Variants in SCD5 observed in about 807,000 individuals in gnomAD.
The protein encoded by SCD5 is stearoyl-CoA desaturase 5, also known as acyl-CoA-desaturase 4.
In SCD5, 20 loss-of-function variants were observed where a neutral mutation model predicts 30.4. The ratio of observed to expected loss-of-function variants is 0.66; its 90% CI spans 0.46 to 0.96. The LOEUF (loss-of-function observed/expected upper bound fraction) is 0.96. Ranked by LOEUF, SCD5 falls within the 40% of genes least tolerant of loss-of-function variation. The pLI, the probability that SCD5 is intolerant of heterozygous loss-of-function variation, is 0.00. For synonymous variants in SCD5, 173 were observed against 176.4 expected (o/e 0.98, Z 0.16); for missense variants, 381 against 443.3 (o/e 0.86, Z 1.26).
chr4:82,653,904 T>C (rs925370569), intron 3 of SCD5, among the ~76,000 whole-genome samples: 2 of 149,620 alleles, frequency 1.3e-5, no homozygotes, highest in Non-Finnish European at 3.0e-5. Flanking sequence ...CACACTTCAG[T>C]TGAGTCAATG....
intron 1 of SCD5, among the ~76,000 whole-genome samples, chr4:82,739,493 G>A (rs1053885864): frequency 1.3e-5 from 2 of 152,224 alleles, no homozygotes; most frequent in African/African-American, 2.4e-5. Context: ...TGGCCTCCCC[G>A]CACTGCCCTG....
intron 1 of SCD5, among the ~76,000 whole-genome samples, chr4:82,784,205 C>T (rs556834780): frequency 4.1e-4 from 63 of 152,234 alleles, no homozygotes; most frequent in Admixed American, 3.7e-3. Flanking sequence ...TGTGAGGCAG[C>T]GGTAACAGTT....
intron 1 of SCD5, among the ~76,000 whole-genome samples, chr4:82,765,385 A>G (rs929968701): frequency 6.6e-6 from 1 of 152,078 alleles, no homozygotes; most frequent in African/African-American, 2.4e-5. Flanking sequence ...TCCTCTGTCT[A>G]TAGTATACAT....
At chr4:82,695,855 G>A (rs927416474) in intron 2 of SCD5, among the ~76,000 whole-genome samples, 2 of 152,134 alleles carry the variant, frequency 1.3e-5, no homozygotes, top group African/African-American at 2.4e-5. Context: ...TTCTGCAGTA[G>A]GCTTTGTCCA....
chr4:82,660,040 G>A (rs997863694), intron 3 of SCD5: 5 of 148,932 alleles, frequency 3.4e-5, no homozygotes, highest in Non-Finnish European at 5.9e-5. Flanking sequence ...TAATAAAACA[G>A]ACTTTAAACC....
intron 1 of SCD5, among the ~76,000 whole-genome samples, chr4:82,775,247 T>C (rs1721720321): frequency 6.6e-6 from 1 of 152,220 alleles, no homozygotes; most frequent in Admixed American, 6.5e-5. Context: ...GTTCACTCCT[T>C]ATTTCACTCA....
chr4:82,770,578 G>A (rs966084713), intron 1 of SCD5, among the ~76,000 whole-genome samples: 1 of 152,138 alleles, frequency 6.6e-6, no homozygotes, highest in African/African-American at 2.4e-5. Context: ...TCTTTATTCA[G>A]GGAAATATTT....
chr4:82,797,813 C>A (rs993790403), intron 1 of SCD5, among the ~76,000 whole-genome samples: 1 of 152,288 alleles, frequency 6.6e-6, no homozygotes, highest in Non-Finnish European at 1.5e-5. Context: ...TCTCTCCTCC[C>A]CGGTCCAACT....
At chr4:82,659,373 C>G (rs1727936799) in intron 3 of SCD5, among the ~76,000 whole-genome samples, 1 of 152,150 alleles carries the variant, frequency 6.6e-6, no homozygotes. Context: ...CTTCTGCTAG[C>G]TTTTGAATTT....
chr4:82,769,577 T>TGG (rs1721573442), intron 1 of SCD5, among the ~76,000 whole-genome samples: 1 of 152,182 alleles, frequency 6.6e-6, no homozygotes, highest in Admixed American at 6.6e-5. Flanking sequence ...ATTGATGCAT[T>TGG]TTTTTCTTTT....
intron 1 of SCD5, among the ~76,000 whole-genome samples, chr4:82,708,425 C>T (rs1720011787): frequency 6.6e-6 from 1 of 152,208 alleles, no homozygotes; most frequent in Admixed American, 6.5e-5. Context: ...TTGCCACCAC[C>T]AGACATGTGT....
intron 1 of SCD5, among the ~76,000 whole-genome samples, chr4:82,747,129 G>A (rs1233840935): frequency 2.0e-5 from 3 of 147,754 alleles, no homozygotes; most frequent in East Asian, 4.0e-4. Context: ...CATCCATCTT[G>A]CTGTCCATCA....
At chr4:82,734,202 TGA>T (rs142541271) in intron 1 of SCD5, among the ~76,000 whole-genome samples, 6 of 152,216 alleles carry the variant, frequency 3.9e-5, no homozygotes, top group Non-Finnish European at 7.3e-5. Context: ...ACTGGCTTGA[TGA>T]AGGAGGCAAA....
chr4:82,715,236 G>GAA (rs34012730), intron 1 of SCD5, among the ~76,000 whole-genome samples: 14,755 of 134,978 alleles, frequency 0.11, 926 homozygotes, highest in Admixed American at 0.18. Flanking sequence ...GACTCCGTCT[G>GAA]AAAAAAAAAA....
intron 2 of SCD5, among the ~76,000 whole-genome samples, chr4:82,693,711 A>G (rs2148824728): frequency 6.6e-6 from 1 of 152,310 alleles, no homozygotes; most frequent in African/African-American, 2.4e-5. Flanking sequence ...GAGCAAGCTC[A>G]GGGGTGTTCC....
chr4:82,685,925 C>T (rs1728693704), intron 2 of SCD5, among the ~76,000 whole-genome samples: 1 of 151,952 alleles, frequency 6.6e-6, no homozygotes, highest in Non-Finnish European at 1.5e-5. Flanking sequence ...CCTCCAGGGG[C>T]TTGCCGCATT....
At chr4:82,638,873 A>G (rs1038109215) in intron 3 of SCD5, among the ~76,000 whole-genome samples, 5 of 152,226 alleles carry the variant, frequency 3.3e-5, no homozygotes, top group Non-Finnish European at 7.3e-5. Flanking sequence ...CTTTATATGT[A>G]TTGACTCATT....
Position 82,679,238 on chromosome 4 carries a change from A to AAGAGAGAAAGAAAGAAAGAAAGAG in SCD5, c.569+1468_569+1469insCTCTTTCTTTCTTTCTTTCTCTCT. ...AAGAAAGAAAAGAAAGAAAGAAAGA[A>AAGAGAGAAAGAAAGAAAGAAAGAG]AGAAAGAAAGAAAGAAAGAAAGAAG... is the stretch of plus-strand genomic sequence containing the variant. On this transcript the variant is annotated intron_variant, in intron 3 of 4. Coordinates refer to ENST00000319540, the MANE Select transcript of SCD5 (RefSeq NM_001037582.3). 2.2e-5 allele frequency among the ~76,000 whole-genome samples: 2 copies of AAGAGAGAAAGAAAGAAAGAAAGAG among 89,008 alleles called. 1 individual carries two copies. Among genetic ancestry groups the AAGAGAGAAAGAAAGAAAGAAAGAG allele is most frequent in the Non-Finnish European group, 4.4e-5 (2 of 45,724 alleles). 58.4% of individuals were successfully genotyped at this position (89,008 alleles called of 152,430 possible). A position where few individuals can be genotyped will look rare whatever the true frequency, so the allele number is the denominator to read the frequency against.
chr4:82,688,813 A>G (rs536278439), intron 2 of SCD5, among the ~76,000 whole-genome samples: 4 of 152,370 alleles, frequency 2.6e-5, no homozygotes, highest in East Asian at 1.9e-4. Flanking sequence ...ATTTTCTTCT[A>G]TTACTCTTTT....
Sources: gnomAD v4.1 joint callset for allele counts (sites outside exome capture counted in the v4.1 genomes callset) on GRCh38, gnomAD v4.1.1 for gene constraint, MANE v1.5 for transcripts, NCBI Gene and HGNC (gene_info 2026-07-23, HGNC 2026-07-21) for gene names.